The following C1orf210 variants were observed in gnomAD, a reference collection of about 807,000 sequenced individuals.
C1orf210 encodes type III endosome membrane protein TEMP.
Under a neutral mutation model 3.7 loss-of-function variants are expected in C1orf210, and 3 were observed. The observed-to-expected ratio is 0.81, with a 90% confidence interval of 0.37 to 2.08. C1orf210 has a LOEUF of 2.08. Ranked by LOEUF, C1orf210 falls within the 30% of genes most tolerant of loss-of-function variation. The pLI, the probability that C1orf210 is intolerant of heterozygous loss-of-function variation, is 0.06. For synonymous variants in C1orf210, 62 were observed against 61.7 expected (o/e 1.00, Z -0.02); for missense variants, 143 against 147.7 (o/e 0.97, Z 0.17).
At position 43,283,303 on chromosome 1, in the gene C1orf210, C is replaced by T. The variant is rs1227738105; in HGVS notation, c.-33G>A. ...CCTGATGACACCAGTGAGTCTCAGC[C>T]TCAACCAGAAAGAGCCCTGGCTCTG... On this transcript the variant is annotated 5_prime_UTR_variant, in exon 2 of 3. Coordinates refer to ENST00000523677, the MANE Select transcript of C1orf210 (RefSeq NM_182517.3). 1.2e-6 allele frequency: 2 copies of T among 1,612,464 alleles called. No homozygotes were observed. The highest frequency in any genetic ancestry group is 2.7e-5 in the African/African-American group (2 of 74,838).
intron 1 of C1orf210, among the ~76,000 whole-genome samples, chr1:43,285,022 C>T (rs999271852): frequency 6.6e-6 from 1 of 152,170 alleles, no homozygotes. Context: ...GGGAGCTGGG[C>T]GTTCAGCCCC....
At position 43,283,237 on chromosome 1, in the gene C1orf210, C is replaced by A. The variant is rs1459170053; in HGVS notation, c.19+15G>T. On this transcript the variant is annotated intron_variant, in intron 2 of 2. Coordinates refer to ENST00000523677, the MANE Select transcript of C1orf210 (RefSeq NM_182517.3). ...GGAAGCCCCCCACCCCCATCATCCT[C>A]CCACTGTCACTCACTTTTGTTTGTC... 6.2e-7 allele frequency: 1 copy of A among 1,613,420 alleles called. No homozygotes were observed. Among genetic ancestry groups the A allele is most frequent in the Non-Finnish European group, 8.5e-7 (1 of 1,179,416 alleles).
At chr1:43,284,253 G>A (rs764271303) in intron 1 of C1orf210, among the ~76,000 whole-genome samples, 1 of 152,138 alleles carries the variant, frequency 6.6e-6, no homozygotes. Flanking sequence ...TAGAGGAGGA[G>A]CATGAAAGTT....
chr1:43,283,764 G>A (rs1244718824), intron 1 of C1orf210, among the ~76,000 whole-genome samples: 1 of 152,168 alleles, frequency 6.6e-6, no homozygotes, highest in East Asian at 1.9e-4. Flanking sequence ...CTGTTGCACT[G>A]CTTGGTAAGC....
chr1:43,282,444 T>A lies in C1orf210; in HGVS notation c.*341A>T. On this transcript the variant is annotated 3_prime_UTR_variant, in exon 3 of 3. Transcript: ENST00000523677. ...GTGCCTGGGGAAACTGCATGGGAAG[T>A]GGTGGGAGGGAGAATAACATTGATT... 8.7e-6 allele frequency: 2 copies of A among 229,832 alleles called. No individual in the cohort carries two copies. The highest frequency in any genetic ancestry group is 1.1e-4 in the South Asian group (1 of 8,710). 14.2% of individuals were successfully genotyped at this position (229,832 alleles called of 1,614,324 possible).
At position 43,282,611 on chromosome 1, in the gene C1orf210, A is replaced by T; in HGVS notation, c.*174T>A. ...GAACAGTTGAGAGTTATTGAGCAAGAGAGGGTCATTGTCACTTTGCTGGCT... is the reference window on the plus strand; with the variant it reads ...GAACAGTTGAGAGTTATTGAGCAAGTGAGGGTCATTGTCACTTTGCTGGCT... On this transcript the variant is annotated 3_prime_UTR_variant, in exon 3 of 3. Coordinates refer to ENST00000523677, the MANE Select transcript of C1orf210 (RefSeq NM_182517.3). 1.6e-6 allele frequency: 1 copy of T among 622,880 alleles called. No homozygotes were observed. The highest frequency in any genetic ancestry group is 2.8e-6 in the Non-Finnish European group (1 of 352,176). 38.6% of individuals were successfully genotyped at this position (622,880 alleles called of 1,614,324 possible).
At chr1:43,284,427 C>G (rs149881094) in intron 1 of C1orf210, among the ~76,000 whole-genome samples, 326 of 151,820 alleles carry the variant, frequency 2.1e-3, no homozygotes, top group African/African-American at 7.6e-3. Flanking sequence ...GCCTTCAAAC[C>G]CCCCCCAACC....
At position 43,282,803 on chromosome 1, in the gene C1orf210, C is replaced by T. The variant is rs1250337263; in HGVS notation, c.324G>A (p.Arg108=). 6.3e-7 allele frequency: 1 copy of T among 1,598,404 alleles called. No individual in the cohort carries two copies. Among genetic ancestry groups the T allele is most frequent in the South Asian group, 1.1e-5 (1 of 88,322 alleles). The change falls in exon 3 of 3, where the codon AGG becomes AGA. Residue 108 remains arginine (R), a synonymous_variant. Coordinates refer to ENST00000523677, the MANE Select transcript of C1orf210 (RefSeq NM_182517.3). ...TGGGAGCTCAGAGGGAGAAGTGGTC[C>T]CTGCTACCCTCTGTCCCCAGCTCGC... ...GTGELGTEGS[R]DHFSL
upstream of C1orf210, chr1:43,285,725 A>C (rs72684077): frequency 0.2 from 30,636 of 152,264 alleles, 3,879 homozygotes; most frequent in African/African-American, 0.35. Flanking sequence ...GGGGAGGGAT[A>C]ATTCTACCTC....
intron 1 of C1orf210, among the ~76,000 whole-genome samples, chr1:43,283,781 T>C (rs1478906461): frequency 6.6e-6 from 1 of 152,028 alleles, no homozygotes; most frequent in East Asian, 1.9e-4. Flanking sequence ...AAGCTGAGGA[T>C]GGGAGACAGG....
At chr1:43,283,418 T>C in intron 1 of C1orf210, 50 bp from the exon 2 acceptor site, 1 of 1,076,430 alleles carries the variant, frequency 9.3e-7, no homozygotes, top group South Asian at 1.7e-5. Context: ...AGGGTGCACT[T>C]TCCAGGTCAC....
Position 43,282,836 on chromosome 1 carries a change from AG to A in C1orf210, c.290del (p.Pro97LeufsTer31). The A allele has an allele frequency of 6.2e-7, 1 of 1,613,708 alleles. No homozygotes were observed. The highest frequency in any genetic ancestry group is 8.5e-7 in the Non-Finnish European group (1 of 1,179,686). On this transcript the variant is annotated frameshift_variant, in exon 3 of 3. Coordinates refer to ENST00000523677, the MANE Select transcript of C1orf210 (RefSeq NM_182517.3). LOFTEE classifies it high-confidence loss of function. ...DGFIEDNYIQ[P>X]GTGELGTEGS... Reference sequence around the variant, plus strand: ...CCTCTGTCCCCAGCTCGCCAGTCCCAGGCTGAATGTAATTGTCCTCGATGAA... The same window carrying A: ...CCTCTGTCCCCAGCTCGCCAGTCCCAGCTGAATGTAATTGTCCTCGATGAA...
Position 43,282,565 on chromosome 1 carries a change from C to A in C1orf210, c.*220G>T. ...TGTCCACACTCAAGCCTTTGTTTGG[C>A]TTTATCCTGAGAACAGCAGGGAACA... On this transcript the variant is annotated 3_prime_UTR_variant, in exon 3 of 3. Transcript: ENST00000523677. 2 of 540,596 alleles carry A rather than the reference C, an allele frequency of 3.7e-6. No homozygotes were observed. The highest frequency in any genetic ancestry group is 2.8e-5 in the South Asian group (1 of 35,270). The allele number at this position is 540,596 out of a possible 1,614,324, so 33.5% of individuals were successfully genotyped here.
chr1:43,282,850 T>A lies in C1orf210; in HGVS notation c.277A>T (p.Asn93Tyr). Residue 93 changes from asparagine (N) to tyrosine (Y), a missense_variant, in exon 3 of 3, where the codon AAT becomes TAT. Transcript: ENST00000523677. ...TCGCCAGTCCCAGGCTGAATGTAAT[T>A]GTCCTCGATGAAGCCATCATCATCC... ...DEDDDGFIED[N>Y]YIQPGTGELG... 1 of 1,614,088 alleles carries A rather than the reference T, an allele frequency of 6.2e-7. No homozygotes were observed. Among genetic ancestry groups the A allele is most frequent in the Non-Finnish European group, 8.5e-7 (1 of 1,179,978 alleles).
At position 43,283,278 on chromosome 1, in the gene C1orf210, C is replaced by A. The variant is rs371385725; in HGVS notation, c.-8G>T. 1.2e-6 allele frequency: 2 copies of A among 1,614,032 alleles called. No homozygotes were observed. Among genetic ancestry groups the A allele is most frequent in the Non-Finnish European group, 8.5e-7 (1 of 1,179,956 alleles). On this transcript the variant is annotated 5_prime_UTR_variant, in exon 2 of 3. Transcript: ENST00000523677. ...TTTGTTTGTCTCATTCATGGAGGGG[C>A]CTGATGACACCAGTGAGTCTCAGCC...
chr1:43,282,779 G>T lies in C1orf210; in HGVS notation c.*6C>A. On this transcript the variant is annotated 3_prime_UTR_variant, in exon 3 of 3. Coordinates refer to ENST00000523677, the MANE Select transcript of C1orf210 (RefSeq NM_182517.3). ...GAGGGAGTGGGGAGGGTCTAAAGAT[G>T]GGAGCTCAGAGGGAGAAGTGGTCCC... 6.3e-7 allele frequency: 1 copy of T among 1,578,600 alleles called. No individual in the cohort carries two copies. Among genetic ancestry groups the T allele is most frequent in the Non-Finnish European group, 8.6e-7 (1 of 1,159,460 alleles).
rs774522331 is a variant in C1orf210, at chr1:43,282,928, G to C, written c.199C>G (p.Arg67Gly). 1 of 1,614,164 alleles carries C rather than the reference G, an allele frequency of 6.2e-7. No homozygotes were observed. Among genetic ancestry groups the C allele is most frequent in the Non-Finnish European group, 8.5e-7 (1 of 1,180,008 alleles). The change falls in exon 3 of 3, where the codon CGC (arginine) becomes GGC (glycine). Residue 67 changes from arginine (R) to glycine (G), a missense_variant. Physicochemically the swap from Arg to Gly is moderately radical, Grantham distance 125. Coordinates refer to ENST00000523677, the MANE Select transcript of C1orf210 (RefSeq NM_182517.3). ...CCCCTTCCTGTCTCAGGCAGTGGGCGGTGCCGGTAGCTGGCATGGTATCGG... is the reference window on the plus strand; with the variant it reads ...CCCCTTCCTGTCTCAGGCAGTGGGCCGTGCCGGTAGCTGGCATGGTATCGG... Reference protein sequence around the residue: ...CRRYHASYRHRPLPETGRGGR... With the variant: ...CRRYHASYRHGPLPETGRGGR...
At chr1:43,283,390 G>A (rs909964974) in intron 1 of C1orf210, 22 bp from the exon 2 acceptor site, 64 of 1,374,350 alleles carry the variant, frequency 4.7e-5, no homozygotes, top group Admixed American at 1.1e-4. Flanking sequence ...CATAGGTATG[G>A]GTGTCAGGGA....
In C1orf210 at chr1:43,283,337, C is replaced by T. The variant is rs371712175; in HGVS notation, c.-67G>A. 232 of 1,590,284 alleles carry T rather than the reference C, an allele frequency of 1.5e-4. 1 individual carries two copies. Among genetic ancestry groups the T allele is most frequent in the Middle Eastern group, 1.4e-3 (8 of 5,918 alleles). The stretch of plus-strand genomic sequence containing the variant: ...AAAGAGCCCTGGCTCTGAGGAGGCC[C>T]CCAGATGCCAGGCAGCCCCAGGGCA... On this transcript the variant is annotated 5_prime_UTR_variant, in exon 2 of 3. Transcript: ENST00000523677.
Sources: gnomAD v4.1 joint callset for allele counts (sites outside exome capture counted in the v4.1 genomes callset) on GRCh38, gnomAD v4.1.1 for gene constraint, MANE v1.5 for transcripts, NCBI Gene and HGNC (gene_info 2026-07-23, HGNC 2026-07-21) for gene names.